HS3ST3A1: variants seen among roughly 807,000 people sequenced by gnomAD.
The protein encoded by HS3ST3A1 is heparan sulfate glucosamine 3-O-sulfotransferase 3A1.
HS3ST3A1 carries 19 observed loss-of-function variants against 25.7 expected under a neutral mutation model. That is an observed-to-expected ratio of 0.74 (90% CI 0.52 to 1.08). The LOEUF is 1.08. HS3ST3A1 is among the 50% of genes least tolerant of loss of function. The pLI, the probability that HS3ST3A1 is intolerant of heterozygous loss-of-function variation, is 0.00. For synonymous variants in HS3ST3A1, 226 were observed against 278.6 expected (o/e 0.81, Z 1.88); for missense variants, 459 against 594.3 (o/e 0.77, Z 2.37).
intron 1 of HS3ST3A1, among the ~76,000 whole-genome samples, chr17:13,550,084 T>C (rs1199693920): frequency 6.6e-6 from 1 of 152,230 alleles, no homozygotes; most frequent in African/African-American, 2.4e-5. Context: ...ATTTGCTAAA[T>C]GTTGTATATG....
intron 1 of HS3ST3A1, among the ~76,000 whole-genome samples, chr17:13,554,042 TATC>T (rs147893416): frequency 5.0e-3 from 768 of 152,292 alleles, no homozygotes; most frequent in Non-Finnish European, 7.6e-3. Context: ...ATGCCACTGA[TATC>T]ATCACCAGGA....
chr17:13,564,738 T>TC (rs1343248992), intron 1 of HS3ST3A1, among the ~76,000 whole-genome samples: 1 of 150,494 alleles, frequency 6.6e-6, no homozygotes, highest in Non-Finnish European at 1.5e-5. Flanking sequence ...TTTTTTTTTT[T>TC]TAAGAGACAG....
intron 1 of HS3ST3A1, among the ~76,000 whole-genome samples, chr17:13,530,361 T>A (rs930574226): frequency 6.6e-6 from 1 of 152,060 alleles, no homozygotes; most frequent in Non-Finnish European, 1.5e-5. Flanking sequence ...ACAAGGTAGT[T>A]CACATACATC....
chr17:13,522,501 T>G (rs1048314550), intron 1 of HS3ST3A1, among the ~76,000 whole-genome samples: 5 of 152,208 alleles, frequency 3.3e-5, no homozygotes, highest in Admixed American at 3.3e-4. Flanking sequence ...AAACAAAATA[T>G]CATGGGTCAT....
At position 13,601,202 on chromosome 17, in the gene HS3ST3A1, C is replaced by A; in HGVS notation, c.-73G>T. ...GACCCCGACAGGTGCCAGAGCATCC[C>A]CCCGGCGGGCCAGCGCGCTGGACGG... On this transcript the variant is annotated 5_prime_UTR_variant, in exon 1 of 2. Transcript: ENST00000284110. The A allele has an allele frequency of 1.7e-6, 2 of 1,184,394 alleles. No homozygotes were observed. Among genetic ancestry groups the A allele is most frequent in the Non-Finnish European group, 2.3e-6 (2 of 887,622 alleles). The allele number at this position is 1,184,394 out of a possible 1,614,324, so 73.4% of individuals were successfully genotyped here.
intron 1 of HS3ST3A1, among the ~76,000 whole-genome samples, chr17:13,503,540 C>T (rs558365772): frequency 4.6e-5 from 7 of 151,978 alleles, no homozygotes; most frequent in South Asian, 4.2e-4. Flanking sequence ...CTCTGTGTCC[C>T]GTAAGTATGT....
intron 1 of HS3ST3A1, among the ~76,000 whole-genome samples, chr17:13,542,068 C>T (rs1038147503): frequency 9.9e-5 from 15 of 152,116 alleles, no homozygotes; most frequent in African/African-American, 3.6e-4. Flanking sequence ...TGGTTCATGC[C>T]TGTAATCCCA....
At chr17:13,580,083 T>C (rs1295215372) in intron 1 of HS3ST3A1, among the ~76,000 whole-genome samples, 1 of 152,152 alleles carries the variant, frequency 6.6e-6, no homozygotes, top group Non-Finnish European at 1.5e-5. Context: ...TGCCATGTTT[T>C]TCGTAAGGGG....
chr17:13,587,115 T>C (rs7217404), intron 1 of HS3ST3A1, among the ~76,000 whole-genome samples: 124,263 of 151,554 alleles, frequency 0.82, 51,052 homozygotes, highest in East Asian at 0.92. Context: ...TCCATTGGAC[T>C]GTGCTGTCCT....
At position 13,550,322 on chromosome 17, in the gene HS3ST3A1, A is replaced by G. The variant is rs1211985830; in HGVS notation, c.599+50209T>C. Among the ~76,000 whole-genome samples, 4 of 151,952 alleles carry G rather than the reference A, an allele frequency of 2.6e-5. No homozygotes were observed. The East Asian group carries it at 7.7e-4, about 29-fold the overall frequency. On this transcript the variant is annotated intron_variant, in intron 1 of 1. Transcript: ENST00000284110. ...GAACACAGCTACACCTCATTTGCCA[A>G]CCTCCCTTCCAGTATGGCATAAGGT...
At chr17:13,500,015 T>C (rs1191726449) in intron 1 of HS3ST3A1, among the ~76,000 whole-genome samples, 1 of 152,176 alleles carries the variant, frequency 6.6e-6, no homozygotes, top group Non-Finnish European at 1.5e-5. Context: ...TTCTTTAAAT[T>C]GCAATCTTAA....
At chr17:13,535,933 C>T (rs1906758226) in intron 1 of HS3ST3A1, among the ~76,000 whole-genome samples, 1 of 152,212 alleles carries the variant, frequency 6.6e-6, no homozygotes, top group Admixed American at 6.5e-5. Context: ...ATACTAGATT[C>T]TTTCATTAAG....
At chr17:13,600,073 A>G (rs182753912) in intron 1 of HS3ST3A1, among the ~76,000 whole-genome samples, 1 of 152,334 alleles carries the variant, frequency 6.6e-6, no homozygotes, top group Admixed American at 6.5e-5. Flanking sequence ...TATCTGGCAA[A>G]AGGTCAAGGT....
chr17:13,512,095 C>T (rs142292294), intron 1 of HS3ST3A1, among the ~76,000 whole-genome samples: 3,631 of 152,134 alleles, frequency 0.024, 47 homozygotes, highest in African/African-American at 0.044. Context: ...GTCAGGAGAT[C>T]GAGACCATCC....
At chr17:13,565,259 C>G (rs1165769904) in intron 1 of HS3ST3A1, among the ~76,000 whole-genome samples, 1 of 152,088 alleles carries the variant, frequency 6.6e-6, no homozygotes, top group Non-Finnish European at 1.5e-5. Flanking sequence ...AGCTTGAGGC[C>G]AGGCGCAGTT....
At chr17:13,515,283 C>A (rs1906014291) in intron 1 of HS3ST3A1, among the ~76,000 whole-genome samples, 1 of 152,154 alleles carries the variant, frequency 6.6e-6, no homozygotes, top group African/African-American at 2.4e-5. Context: ...CCTCAGCTTC[C>A]CGAGTAGCTG....
intron 1 of HS3ST3A1, among the ~76,000 whole-genome samples, chr17:13,588,152 C>G (rs907574597): frequency 6.6e-6 from 1 of 152,004 alleles, no homozygotes; most frequent in Non-Finnish European, 1.5e-5. Flanking sequence ...CACAGCCACA[C>G]GTATTCATTT....
At chr17:13,551,322 C>G (rs1239722127) in intron 1 of HS3ST3A1, among the ~76,000 whole-genome samples, 3 of 150,934 alleles carry the variant, frequency 2.0e-5, no homozygotes. Flanking sequence ...GCACTCCAGC[C>G]TGGCGACACG....
At chr17:13,497,209 A>G (rs767882162) in intron 1 of HS3ST3A1, among the ~76,000 whole-genome samples, 12 of 152,206 alleles carry the variant, frequency 7.9e-5, no homozygotes, top group Non-Finnish European at 1.3e-4. Flanking sequence ...TTATACTGCT[A>G]TGAGATAGTA....
Sources: gnomAD v4.1 joint callset for allele counts (sites outside exome capture counted in the v4.1 genomes callset) on GRCh38, gnomAD v4.1.1 for gene constraint, MANE v1.5 for transcripts, NCBI Gene and HGNC (gene_info 2026-07-23, HGNC 2026-07-21) for gene names.